Variants in KLB observed in about 807,000 individuals in gnomAD.
The protein encoded by KLB is beta-klotho.
In KLB, 44 loss-of-function variants were observed where a neutral mutation model predicts 88.4. The ratio of observed to expected loss-of-function variants is 0.50; its 90% CI spans 0.39 to 0.64. The LOEUF (loss-of-function observed/expected upper bound fraction) is 0.64. Among genes scored for constraint, KLB ranks in the 30% least tolerant of loss-of-function variants. The pLI, the probability that KLB is intolerant of heterozygous loss-of-function variation, is 0.00. For missense variants in KLB, 1,137 were observed against 1,304.8 expected (o/e 0.87, Z 1.98); for synonymous variants, 548 against 513.4 (o/e 1.07, Z -0.91).
At chr4:39,438,877 G>A (rs1008236426) in intron 3 of KLB, among the ~76,000 whole-genome samples, 3 of 60,542 alleles carry the variant, frequency 5.0e-5, no homozygotes, top group South Asian at 5.2e-4. Flanking sequence ...TCATTTTACG[G>A]GGGGAGGAAA....
intron 1 of KLB, among the ~76,000 whole-genome samples, chr4:39,410,034 C>T (rs1046063362): frequency 6.6e-6 from 1 of 152,218 alleles, no homozygotes; most frequent in Non-Finnish European, 1.5e-5. Context: ...AAGGACGCTA[C>T]TGTTAATAGT....
At chr4:39,435,823 A>G (rs1021850277) in intron 2 of KLB, among the ~76,000 whole-genome samples, 1 of 152,312 alleles carries the variant, frequency 6.6e-6, no homozygotes, top group Non-Finnish European at 1.5e-5. Context: ...CTAGGGCTAC[A>G]CCCTTAATTG....
At chr4:39,448,236 A>G (rs1393976632) in intron 4 of KLB, 65 bp from the exon 5 acceptor site, 23 of 1,275,612 alleles carry the variant, frequency 1.8e-5, no homozygotes, top group Non-Finnish European at 2.5e-5. Context: ...AATGAAAACT[A>G]AATTCTTCCT....
intron 1 of KLB, among the ~76,000 whole-genome samples, chr4:39,415,458 C>A (rs568603024): frequency 2.0e-5 from 3 of 152,010 alleles, no homozygotes; most frequent in Non-Finnish European, 2.9e-5. Flanking sequence ...CATGCCTCTG[C>A]ACTCCAGCTT....
At chr4:39,418,114 C>T (rs1260539630) in intron 1 of KLB, among the ~76,000 whole-genome samples, 1 of 152,188 alleles carries the variant, frequency 6.6e-6, no homozygotes, top group Non-Finnish European at 1.5e-5. Flanking sequence ...GATCTATGAA[C>T]CATTTATCCC....
chr4:39,444,106 A>C (rs1743681255), intron 3 of KLB, among the ~76,000 whole-genome samples: 1 of 152,146 alleles, frequency 6.6e-6, no homozygotes, highest in Non-Finnish European at 1.5e-5. Flanking sequence ...TCAGTGAGCC[A>C]AGATCGCGCC....
intron 3 of KLB, among the ~76,000 whole-genome samples, chr4:39,438,950 C>T (rs956010655): frequency 3.3e-5 from 5 of 152,020 alleles, no homozygotes; most frequent in Non-Finnish European, 7.4e-5. Context: ...CTTCAAGCTT[C>T]CACATGCACA....
chr4:39,421,890 A>T (rs1578204200), intron 1 of KLB, among the ~76,000 whole-genome samples: 3 of 152,280 alleles, frequency 2.0e-5, no homozygotes, highest in South Asian at 2.1e-4. Context: ...GATAACAGGC[A>T]TGTGCCACCA....
intron 1 of KLB, among the ~76,000 whole-genome samples, chr4:39,419,875 C>G (rs1010212316): frequency 7.6e-6 from 1 of 132,156 alleles, no homozygotes. Context: ...ACCTGGGAGG[C>G]GGAGGTTGCA....
intron 1 of KLB, among the ~76,000 whole-genome samples, chr4:39,409,180 T>A (rs1742788040): frequency 6.6e-6 from 1 of 152,060 alleles, no homozygotes; most frequent in Non-Finnish European, 1.5e-5. Flanking sequence ...GGGTATACTG[T>A]GATTTGACAA....
At chr4:39,407,917 T>G in intron 1 of KLB, 143 bp downstream of exon 1, 1 of 539,894 alleles carries the variant, frequency 1.9e-6, no homozygotes. Flanking sequence ...AAATTTTGCA[T>G]TTAAGTTAGT....
chr4:39,436,930 G>C (rs182777896), intron 2 of KLB, among the ~76,000 whole-genome samples: 1 of 152,002 alleles, frequency 6.6e-6, no homozygotes, highest in Admixed American at 6.6e-5. Context: ...GGCTGGTCTC[G>C]AACTCCTGAC....
Position 39,447,036 on chromosome 4 carries a change from C to T in KLB, c.2310C>T (p.Ala770=). 1 of 1,612,012 alleles carries T rather than the reference C, an allele frequency of 6.2e-7. No homozygotes were observed. The highest frequency in any genetic ancestry group is 8.5e-7 in the Non-Finnish European group (1 of 1,179,968). ...AGCGCTTCCTGCAGTTCGAGATCGC[C>T]TGGTTCGCCGAGCCGCTCTTCAAGA... ...AAERFLQFEI[A]WFAEPLFKTG... The change falls in exon 4 of 5, where the codon GCC becomes GCT. Residue 770 remains alanine, a synonymous_variant. Transcript: ENST00000257408.
In KLB at chr4:39,448,690, G is replaced by T. The variant is rs929582587; in HGVS notation, c.*4G>T. 1 of 1,603,688 alleles carries T rather than the reference G, an allele frequency of 6.2e-7. No homozygotes were observed. The highest frequency in any genetic ancestry group is 8.5e-7 in the Non-Finnish European group (1 of 1,178,110). ...AGGCAAGAGAGTTGTTAGCTAAACT[G>T]ATCTGTCTGCATGATAGACAGTTTA... On this transcript the variant is annotated 3_prime_UTR_variant, in exon 5 of 5. Transcript: ENST00000257408.
intron 1 of KLB, among the ~76,000 whole-genome samples, chr4:39,430,961 G>A (rs1743346234): frequency 6.7e-6 from 1 of 150,320 alleles, no homozygotes; most frequent in African/African-American, 2.4e-5. Flanking sequence ...CTGTCCCCCA[G>A]GCTGGAGTGC....
At chr4:39,422,266 ACTGATAT>A (rs1214951223) in intron 1 of KLB, among the ~76,000 whole-genome samples, 2 of 152,092 alleles carry the variant, frequency 1.3e-5, no homozygotes, top group African/African-American at 4.8e-5. Flanking sequence ...TTTACCACTA[ACTGATAT>A]CTTGGGCAGG....
At chr4:39,430,784 T>C (rs1260104963) in intron 1 of KLB, among the ~76,000 whole-genome samples, 3 of 151,456 alleles carry the variant, frequency 2.0e-5, no homozygotes, top group East Asian at 3.9e-4. Flanking sequence ...TATTTTTTTT[T>C]AGTAGAGAAG....
At chr4:39,438,016 T>C in intron 3 of KLB, 21 bp downstream of exon 3, 1 of 1,601,440 alleles carries the variant, frequency 6.2e-7, no homozygotes, top group Non-Finnish European at 8.5e-7. Flanking sequence ...ACTTCCAAAT[T>C]AACCATAAAC....
chr4:39,432,877 G>A (rs1367249003), intron 1 of KLB, among the ~76,000 whole-genome samples: 4 of 151,008 alleles, frequency 2.6e-5, no homozygotes, highest in African/African-American at 9.8e-5. Context: ...CAACCTTATA[G>A]GGGATTTTTT....
Sources: allele counts gnomAD v4.1 joint callset (sites outside exome capture counted in the v4.1 genomes callset), GRCh38; gene constraint gnomAD v4.1.1; transcripts MANE v1.5; gene names NCBI Gene and HGNC (gene_info 2026-07-23, HGNC 2026-07-21).